The following PTPRN2 variants were observed in gnomAD, a reference collection of about 807,000 sequenced individuals.
PTPRN2 encodes the protein receptor-type tyrosine-protein phosphatase N2.
In PTPRN2, 74 loss-of-function variants were observed where a neutral mutation model predicts 118.8. The observed-to-expected ratio is 0.62, with a 90% CI of 0.52 to 0.76. PTPRN2 has a LOEUF of 0.76. Among genes scored for constraint, PTPRN2 ranks in the 30% least tolerant of loss-of-function variants. The pLI is 0.00. For missense variants in PTPRN2, 1,481 were observed against 1,394.4 expected (o/e 1.06, Z -0.99); for synonymous variants, 641 against 608.0 (o/e 1.05, Z -0.80).
chr7:157,919,870 T>G (rs775653904), intron 11 of PTPRN2, among the ~76,000 whole-genome samples: 1 of 152,196 alleles, frequency 6.6e-6, no homozygotes, highest in Non-Finnish European at 1.5e-5. Context: ...CCTGTCACCT[T>G]GCGACGTCAC....
rs1465256876 is a variant in PTPRN2 at position 158,173,219 on chromosome 7, A to G, written c.550-5928T>C. 2.0e-5 allele frequency among the ~76,000 whole-genome samples: 3 copies of G among 152,300 alleles called. No homozygotes were observed. The East Asian group carries it at 5.8e-4, about 29-fold the overall frequency. ...TCCCACCATCAATAGCAGCATCCCC[A>G]CCATCATCACTTCCTATTGGGGGAA... On this transcript the variant is annotated intron_variant, in intron 5 of 22. Transcript: ENST00000389418.
chr7:158,377,417 A>G (rs1318212709), intron 2 of PTPRN2, among the ~76,000 whole-genome samples: 1 of 152,242 alleles, frequency 6.6e-6, no homozygotes, highest in Non-Finnish European at 1.5e-5. Context: ...ACCAAAGAAG[A>G]GCAAGGGATG....
chr7:158,167,178 G>T lies in PTPRN2; in HGVS notation c.663C>A (p.Leu221=), dbSNP rs112343839. The change falls in exon 6 of 23, where the codon CTC becomes CTA. Residue 221 remains leucine (L), a synonymous_variant. Coordinates refer to ENST00000389418, the MANE Select transcript of PTPRN2 (RefSeq NM_002847.5). ...QLREDLLPRT[L]GQLQPDELSP... ...TGAGCTCATCTGGCTGGAGCTGGCC[G>T]AGGGTCCGCGGCAGGAGGTCCTCGC... The T allele has an allele frequency of 1.8e-3, 2,927 of 1,613,872 alleles. 50 individuals carry two copies. The African/African-American group carries it at 0.033, about 18-fold the overall frequency.
chr7:157,565,416 C>T (rs1799436972), intron 21 of PTPRN2, among the ~76,000 whole-genome samples: 1 of 152,250 alleles, frequency 6.6e-6, no homozygotes, highest in Admixed American at 6.5e-5. Flanking sequence ...CACTCTGCAC[C>T]TTGTCAACAG....
In PTPRN2 at chr7:157,659,564, A is replaced by T. The variant is rs544913478; in HGVS notation, c.2002-3013T>A. ...CCTCTGGTGAGGGTAAGGGGTCTCT[A>T]AGAAAAGGGAGAGTTCCAGTTCCTT... On this transcript the variant is annotated intron_variant, in intron 13 of 22. Coordinates refer to ENST00000389418, the MANE Select transcript of PTPRN2 (RefSeq NM_002847.5). 6.6e-5 allele frequency among the ~76,000 whole-genome samples: 10 copies of T among 151,848 alleles called. No individual in the cohort carries two copies. The South Asian group carries it at 2.1e-3, about 32-fold the overall frequency.
chr7:158,289,967 G>A (rs2151019185), intron 3 of PTPRN2, among the ~76,000 whole-genome samples: 1 of 152,304 alleles, frequency 6.6e-6, no homozygotes, highest in South Asian at 2.1e-4. Flanking sequence ...ATCCACTGGA[G>A]TGGACCTGTT....
intron 4 of PTPRN2, among the ~76,000 whole-genome samples, chr7:158,200,225 T>C (rs1163187692): frequency 3.3e-5 from 5 of 152,244 alleles, no homozygotes; most frequent in East Asian, 3.9e-4. Context: ...ATTCTGAAGA[T>C]AGCCATGGAT....
intron 3 of PTPRN2, among the ~76,000 whole-genome samples, chr7:158,302,098 C>T (rs1369696891): frequency 1.3e-5 from 2 of 152,168 alleles, no homozygotes; most frequent in African/African-American, 4.8e-5. Context: ...ATAAAAGATG[C>T]CTCCTAATTT....
rs1816210017 is a variant in PTPRN2, at chr7:158,110,989, C to T, written c.1557-74G>A. The T allele has an allele frequency of 3.1e-6, 4 of 1,311,392 alleles. No homozygotes were observed. The East Asian group carries it at 7.6e-5, about 25-fold the overall frequency. 81.2% of individuals were successfully genotyped at this position (1,311,392 alleles called of 1,614,324 possible). ...CCTGGAGAACTAAAGCCCTGTGGCC[C>T]CACAGCCCCGCTCCCTGGTCCCCAC... is the stretch of plus-strand genomic sequence containing the variant. On this transcript the variant is annotated intron_variant, in intron 9 of 22. Coordinates refer to ENST00000389418, the MANE Select transcript of PTPRN2 (RefSeq NM_002847.5).
chr7:157,614,251 C>G, intron 15 of PTPRN2: 1 of 404,872 alleles, frequency 2.5e-6, no homozygotes, highest in South Asian at 1.9e-5. Flanking sequence ...GGTCATGTTC[C>G]TACAGCATCG....
intron 11 of PTPRN2, among the ~76,000 whole-genome samples, chr7:157,988,556 C>T (rs75569189): frequency 0.063 from 9,602 of 152,244 alleles, 406 homozygotes; most frequent in South Asian, 0.18. Flanking sequence ...AATCAGGGAC[C>T]CTTCTTAGTG....
At chr7:158,149,678 C>T (rs1408612281) in intron 6 of PTPRN2, among the ~76,000 whole-genome samples, 2 of 152,186 alleles carry the variant, frequency 1.3e-5, no homozygotes, top group Admixed American at 6.5e-5. Context: ...GTGGCGCATG[C>T]CTGTAGTCCC....
At chr7:157,558,548 G>A (rs1184575022) in intron 21 of PTPRN2, among the ~76,000 whole-genome samples, 1 of 152,240 alleles carries the variant, frequency 6.6e-6, no homozygotes, top group Admixed American at 6.5e-5. Context: ...AGGAGAACAG[G>A]AGCTGGGCTC....
chr7:157,664,880 A>G (rs1796061083), intron 13 of PTPRN2, among the ~76,000 whole-genome samples: 1 of 152,256 alleles, frequency 6.6e-6, no homozygotes, highest in African/African-American at 2.4e-5. Flanking sequence ...GGCCAGCCCC[A>G]TCATGTTTTG....
chr7:158,355,283 C>T (rs1484588192), intron 2 of PTPRN2, among the ~76,000 whole-genome samples: 1 of 152,184 alleles, frequency 6.6e-6, no homozygotes, highest in African/African-American at 2.4e-5. Flanking sequence ...AATCACTTCA[C>T]TTCTCTGTGC....
At chr7:158,343,687 C>T (rs1348945481) in intron 2 of PTPRN2, among the ~76,000 whole-genome samples, 2 of 151,416 alleles carry the variant, frequency 1.3e-5, no homozygotes, top group African/African-American at 2.4e-5. Flanking sequence ...GCAGAGCTCG[C>T]GCAGAGGCTC....
At chr7:158,463,760 C>T (rs1018396509) in intron 2 of PTPRN2, among the ~76,000 whole-genome samples, 2 of 151,072 alleles carry the variant, frequency 1.3e-5, no homozygotes, top group Non-Finnish European at 2.9e-5. Flanking sequence ...TCATCATCAC[C>T]GTCATCATCC....
rs1046831481 is a variant in PTPRN2, at chr7:157,698,903, T to C, written c.1789-15966A>G. On this transcript the variant is annotated intron_variant, in intron 12 of 22. Transcript: ENST00000389418. ...AGCTAAAATTCCTTAGATTGAATGT[T>C]TGTAAGAAAGACTCATTACCACATG... is the stretch of plus-strand genomic sequence containing the variant. Among the ~76,000 whole-genome samples, 4 of 152,260 alleles carry C rather than the reference T, an allele frequency of 2.6e-5. No individual in the cohort carries two copies. In the East Asian group the frequency reaches 7.7e-4, roughly 29 times the overall value.
intron 3 of PTPRN2, among the ~76,000 whole-genome samples, chr7:158,261,604 T>C (rs1446016803): frequency 2.0e-5 from 3 of 152,064 alleles, no homozygotes; most frequent in Non-Finnish European, 4.4e-5. Flanking sequence ...TGAGCCAGAA[T>C]GTGGACGTCC....
Sources: gnomAD v4.1 joint callset for allele counts (sites outside exome capture counted in the v4.1 genomes callset) on GRCh38, gnomAD v4.1.1 for gene constraint, MANE v1.5 for transcripts, NCBI Gene and HGNC (gene_info 2026-07-23, HGNC 2026-07-21) for gene names.